The following TTK variants were observed in gnomAD, a reference collection of about 807,000 sequenced individuals.
TTK encodes TTK protein kinase.
A neutral mutation model predicts 117.3 loss-of-function variants in TTK; 59 were observed. The observed-to-expected ratio is 0.50, with a 90% CI of 0.41 to 0.62. The LOEUF is 0.62. TTK is among the 20% of genes least tolerant of loss of function. The pLI is 0.00. For synonymous variants in TTK, 302 were observed against 325.0 expected (o/e 0.93, Z 0.76); for missense variants, 921 against 989.4 (o/e 0.93, Z 0.93).
chr6:80,037,076 T>C (rs2127683393), intron 17 of TTK, among the ~76,000 whole-genome samples: 1 of 152,276 alleles, frequency 6.6e-6, no homozygotes, highest in Non-Finnish European at 1.5e-5. Flanking sequence ...TAAGCAACAT[T>C]TTTATAATAG....
Position 80,026,456 on chromosome 6 carries a change from G to A in TTK, c.1336G>A (p.Asp446Asn), listed in dbSNP as rs1357425626. 6.2e-7 allele frequency: 1 copy of A among 1,613,798 alleles called. No homozygotes were observed. Among genetic ancestry groups the A allele is most frequent in the South Asian group, 1.1e-5 (1 of 91,034 alleles). The change falls in exon 12 of 22, where the codon GAC becomes AAC. Residue 446 changes from aspartate (D) to asparagine (N), a missense_variant. Coordinates refer to ENST00000369798, the MANE Select transcript of TTK (RefSeq NM_003318.5). ...SPPISTSKWF[D>N]PKSICKTPSS... ...ACCAATATCAACATCTAAATGGTTTGACCCAAAATCTATTTGTAAGACACC... is the reference window on the plus strand; with the variant it reads ...ACCAATATCAACATCTAAATGGTTTAACCCAAAATCTATTTGTAAGACACC...
At chr6:80,021,354 T>C (rs1478874415) in intron 10 of TTK, among the ~76,000 whole-genome samples, 3 of 152,132 alleles carry the variant, frequency 2.0e-5, no homozygotes, top group African/African-American at 7.2e-5. Context: ...CTTGGCCTGC[T>C]CCCACAGCCA....
chr6:80,031,434 A>G (rs774142806), intron 13 of TTK, 33 bp from the exon 14 acceptor site: 1 of 1,345,408 alleles, frequency 7.4e-7, no homozygotes, highest in Admixed American at 2.7e-5. Flanking sequence ...AGGTATATTG[A>G]TTAACTTTTA....
At chr6:80,007,729 G>T in intron 2 of TTK, 80 bp from the exon 3 acceptor site, 1 of 1,172,878 alleles carries the variant, frequency 8.5e-7, no homozygotes, top group Non-Finnish European at 1.2e-6. Flanking sequence ...ACAAATGTTT[G>T]ACTATATTTT....
At chr6:80,024,397 A>G (rs181690546) in intron 11 of TTK, among the ~76,000 whole-genome samples, 521 of 152,352 alleles carry the variant, frequency 3.4e-3, no homozygotes, top group Middle Eastern at 0.017. Flanking sequence ...TGGTACATCC[A>G]TACAATGGAA....
rs964748497 is a variant in TTK, at chr6:80,028,877, C to T, written c.1521+866C>T. 2.6e-5 allele frequency among the ~76,000 whole-genome samples: 4 copies of T among 152,232 alleles called. No homozygotes were observed. The East Asian group carries it at 7.7e-4, about 29-fold the overall frequency. ...GGCCTTGGAGACACTGGGCATGAAT[C>T]TTAGCCTCACTACTTACAGTCTGTG... On this transcript the variant is annotated intron_variant, in intron 13 of 21. Coordinates refer to ENST00000369798, the MANE Select transcript of TTK (RefSeq NM_003318.5).
chr6:80,013,123 A>G (rs1181641444), intron 8 of TTK, among the ~76,000 whole-genome samples, 156 bp from the exon 9 acceptor site: 2 of 152,036 alleles, frequency 1.3e-5, no homozygotes, highest in Non-Finnish European at 2.9e-5. Flanking sequence ...TCACTTTTGT[A>G]TTGGAATTAT....
intron 10 of TTK, among the ~76,000 whole-genome samples, chr6:80,018,201 TGTTA>T (rs1243481915): frequency 6.6e-6 from 1 of 152,006 alleles, no homozygotes; most frequent in Non-Finnish European, 1.5e-5. Context: ...AAAACTTTGT[TGTTA>T]GTTTATAAAA....
chr6:80,013,251 T>C, intron 8 of TTK, 28 bp from the exon 9 acceptor site: 1 of 1,557,198 alleles, frequency 6.4e-7, no homozygotes, highest in African/African-American at 1.4e-5. Context: ...AATTTAATGT[T>C]AAAATTATTT....
chr6:80,007,759 G>T, intron 2 of TTK, 50 bp from the exon 3 acceptor site: 1 of 1,469,522 alleles, frequency 6.8e-7, no homozygotes, highest in Non-Finnish European at 9.2e-7. Flanking sequence ...ATGCAATTTG[G>T]CATTTGTTTT....
chr6:80,011,029 A>G (rs1767132776), intron 5 of TTK, 72 bp downstream of exon 5: 1 of 1,416,586 alleles, frequency 7.1e-7, no homozygotes, highest in Non-Finnish European at 9.5e-7. Flanking sequence ...ATAATAATTT[A>G]TAGAAAAATA....
chr6:80,036,721 T>C, intron 17 of TTK, 122 bp downstream of exon 17: 1 of 1,071,062 alleles, frequency 9.3e-7, no homozygotes, highest in Non-Finnish European at 1.3e-6. Context: ...TTGAAGTCTT[T>C]TAATAAGAAT....
chr6:80,040,281 G>A lies in TTK; in HGVS notation c.2392+1G>A, dbSNP rs1431660387. On this transcript the variant is annotated splice_donor_variant, in intron 20 of 21. Coordinates refer to ENST00000369798, the MANE Select transcript of TTK (RefSeq NM_003318.5). LOFTEE classifies it high-confidence loss of function. ...TATGTTCAAATTCAAACTCATCCAG[G>A]TACTACTTCTTTAAAAATTTGTTTA... is the stretch of plus-strand genomic sequence containing the variant. 6.4e-7 allele frequency: 1 copy of A among 1,570,576 alleles called. No individual in the cohort carries two copies.
At chr6:80,013,014 C>T (rs1715919845) in intron 8 of TTK, among the ~76,000 whole-genome samples, 2 of 152,128 alleles carry the variant, frequency 1.3e-5, no homozygotes, top group African/African-American at 4.8e-5. Context: ...TTCCCACAGT[C>T]TAACCCTAAC....
chr6:80,020,549 A>G (rs1767431878), intron 10 of TTK, among the ~76,000 whole-genome samples: 1 of 152,236 alleles, frequency 6.6e-6, no homozygotes, highest in African/African-American at 2.4e-5. Context: ...TTAAAGATTA[A>G]CCATTTGAGC....
intron 11 of TTK, among the ~76,000 whole-genome samples, chr6:80,025,313 T>A (rs904940187): frequency 6.6e-6 from 1 of 152,146 alleles, no homozygotes; most frequent in African/African-American, 2.4e-5. Context: ...GAGGGAAAAT[T>A]TATCCTGGAA....
intron 16 of TTK, among the ~76,000 whole-genome samples, chr6:80,035,686 C>G (rs1341920432): frequency 3.9e-5 from 6 of 152,088 alleles, no homozygotes; most frequent in Admixed American, 3.3e-4. Flanking sequence ...ATCCTTATCT[C>G]CAAATACTTG....
rs139363894 is a variant in TTK at position 80,022,813 on chromosome 6, G to A, written c.1257+341G>A. Among the ~76,000 whole-genome samples, 68 of 152,268 alleles carry A rather than the reference G, an allele frequency of 4.5e-4. No homozygotes were observed. The East Asian group carries it at 0.011, about 25-fold the overall frequency. The stretch of plus-strand genomic sequence containing the variant: ...GTCTATGGCTGCTTTTGCATTATAA[G>A]AGCAGAGTTGATTAGTTGTATTAGA... On this transcript the variant is annotated intron_variant, in intron 11 of 21. Transcript: ENST00000369798.
chr6:80,023,592 CA>C (rs1353412899), intron 11 of TTK, among the ~76,000 whole-genome samples: 2 of 150,050 alleles, frequency 1.3e-5, no homozygotes, highest in Non-Finnish European at 3.0e-5. Context: ...GACTCTGTCT[CA>C]AAAAAAATAA....
Sources: gnomAD v4.1 joint callset for allele counts (sites outside exome capture counted in the v4.1 genomes callset) on GRCh38, gnomAD v4.1.1 for gene constraint, MANE v1.5 for transcripts, NCBI Gene and HGNC (gene_info 2026-07-23, HGNC 2026-07-21) for gene names.